Variants in CFAP70 observed in about 807,000 individuals in gnomAD.
CFAP70 encodes the protein cilia- and flagella-associated protein 70.
A neutral mutation model predicts 137.6 loss-of-function variants in CFAP70; 81 were observed. The ratio of observed to expected loss-of-function variants is 0.59; its 90% CI spans 0.49 to 0.71. The LOEUF is 0.71. Among genes scored for constraint, CFAP70 ranks in the 30% least tolerant of loss-of-function variants. The pLI is 0.00. For synonymous variants in CFAP70, 382 were observed against 423.6 expected (o/e 0.90, Z 1.20); for missense variants, 976 against 1,226.7 (o/e 0.80, Z 3.05).
intron 12 of CFAP70, among the ~76,000 whole-genome samples, chr10:73,307,656 T>C (rs1292047018): frequency 6.6e-6 from 1 of 152,034 alleles, no homozygotes; most frequent in Non-Finnish European, 1.5e-5. Flanking sequence ...AATACAGCAA[T>C]AAAATACAAC....
chr10:73,333,414 A>G (rs562350890), intron 7 of CFAP70, among the ~76,000 whole-genome samples: 4 of 152,114 alleles, frequency 2.6e-5, no homozygotes, highest in Non-Finnish European at 5.9e-5. Flanking sequence ...GGAATCTCAG[A>G]GAATACCAAG....
intron 7 of CFAP70, among the ~76,000 whole-genome samples, chr10:73,331,631 G>A (rs554734249): frequency 1.3e-5 from 2 of 152,262 alleles, no homozygotes; most frequent in South Asian, 2.1e-4. Context: ...ATAGTGAGCC[G>A]TGATGGTGCT....
At chr10:73,329,486 A>G (rs1371094704) in intron 8 of CFAP70, among the ~76,000 whole-genome samples, 2 of 152,112 alleles carry the variant, frequency 1.3e-5, no homozygotes, top group Admixed American at 6.6e-5. Flanking sequence ...AACTTAAAGT[A>G]TAATAATAAT....
At chr10:73,356,926 T>G (rs556515025) in intron 1 of CFAP70, among the ~76,000 whole-genome samples, 7 of 152,268 alleles carry the variant, frequency 4.6e-5, no homozygotes, top group African/African-American at 1.4e-4. Flanking sequence ...AGCTTGGCAC[T>G]GTGATGGGTG....
chr10:73,270,484 CTTTTCTTTT>C, intron 24 of CFAP70, among the ~76,000 whole-genome samples: 2 of 35,986 alleles, frequency 5.6e-5, no homozygotes, highest in Non-Finnish European at 1.2e-4. Flanking sequence ...TTTTCTTTTC[CTTTTCTTTT>C]CCTTCCCTTC....
exon 11 of CFAP70, chr10:73,311,843 A>C (rs1001748497): frequency 1.2e-6 from 2 of 1,612,498 alleles, no homozygotes; most frequent in East Asian, 2.2e-5. Context: ...CCTGTCCTTC[A>C]GGATTGTGAC....
intron 4 of CFAP70, among the ~76,000 whole-genome samples, chr10:73,345,858 T>C (rs2053653809): frequency 6.6e-6 from 1 of 152,112 alleles, no homozygotes; most frequent in Non-Finnish European, 1.5e-5. Flanking sequence ...TGGGTGCTTT[T>C]TTTGCTAGTC....
At chr10:73,337,987 A>G (rs1360308988) in intron 6 of CFAP70, among the ~76,000 whole-genome samples, 1 of 152,166 alleles carries the variant, frequency 6.6e-6, no homozygotes, top group African/African-American at 2.4e-5. Flanking sequence ...ACCTTTGTAT[A>G]TCTGAAAATC....
chr10:73,302,538 C>G (rs1454019604), intron 12 of CFAP70, among the ~76,000 whole-genome samples: 1 of 152,136 alleles, frequency 6.6e-6, no homozygotes, highest in Non-Finnish European at 1.5e-5. Context: ...GATAGCATTA[C>G]CAAATTGCCC....
chr10:73,345,294 C>T, intron 4 of CFAP70, 50 bp from the exon 6 acceptor site: 3 of 1,515,438 alleles, frequency 2.0e-6, no homozygotes, highest in Non-Finnish European at 2.7e-6. Context: ...CAGAGATCTT[C>T]CTTTTTTGCA....
intron 12 of CFAP70, among the ~76,000 whole-genome samples, chr10:73,302,622 A>G (rs1004734915): frequency 8.5e-5 from 13 of 152,244 alleles, no homozygotes; most frequent in African/African-American, 2.9e-4. Flanking sequence ...ATCCTCAACA[A>G]CACAATAAAT....
intron 8 of CFAP70, among the ~76,000 whole-genome samples, chr10:73,326,393 C>T (rs2051425815): frequency 6.9e-6 from 1 of 145,240 alleles, no homozygotes; most frequent in African/African-American, 2.6e-5. Context: ...AGGAAAGATC[C>T]AAAATTGACA....
chr10:73,269,572 T>C, intron 25 of CFAP70, 42 bp downstream of exon 26: 5 of 1,430,664 alleles, frequency 3.5e-6, no homozygotes, highest in South Asian at 3.4e-5. Context: ...CCCTCACCTC[T>C]GTGCCCTAAA....
intron 25 of CFAP70, among the ~76,000 whole-genome samples, chr10:73,264,387 A>AAT (rs2045560992): frequency 1.3e-5 from 2 of 152,244 alleles, no homozygotes; most frequent in South Asian, 4.1e-4. Flanking sequence ...TATTTCTATA[A>AAT]ATACACATAT....
intron 1 of CFAP70, among the ~76,000 whole-genome samples, chr10:73,356,710 A>G (rs893893280): frequency 5.9e-5 from 9 of 152,316 alleles, no homozygotes; most frequent in Admixed American, 4.6e-4. Context: ...TAAGGGCTTT[A>G]GTGGCACTGA....
intron 7 of CFAP70, among the ~76,000 whole-genome samples, chr10:73,334,766 G>A (rs1229994033): frequency 6.6e-6 from 1 of 151,798 alleles, no homozygotes; most frequent in Non-Finnish European, 1.5e-5. Flanking sequence ...TTTTAGTAGA[G>A]ACGGGGTTTC....
intron 1 of CFAP70, among the ~76,000 whole-genome samples, chr10:73,357,208 G>C (rs1026572230): frequency 6.6e-6 from 1 of 152,172 alleles, no homozygotes; most frequent in African/African-American, 2.4e-5. Flanking sequence ...CTTAAATGTA[G>C]CCTCCCTTCT....
chr10:73,352,506 G>A (rs1423001962), intron 3 of CFAP70, among the ~76,000 whole-genome samples: 1 of 152,052 alleles, frequency 6.6e-6, no homozygotes, highest in African/African-American at 2.4e-5. Flanking sequence ...GCCCATTGGT[G>A]TCTCCAGGTT....
intron 10 of CFAP70, 81 bp downstream of exon 11, chr10:73,312,392 T>A (rs961884796): frequency 2.9e-6 from 3 of 1,028,160 alleles, no homozygotes; most frequent in Non-Finnish European, 4.3e-6. Flanking sequence ...CTAACATTGA[T>A]ACCAGTCACC....
Sources: gnomAD v4.1 joint callset for allele counts (sites outside exome capture counted in the v4.1 genomes callset) on GRCh38, gnomAD v4.1.1 for gene constraint, MANE v1.5 for transcripts, NCBI Gene and HGNC (gene_info 2026-07-23, HGNC 2026-07-21) for gene names.